The following EXOC4 variants were observed in gnomAD, a reference collection of about 807,000 sequenced individuals.
EXOC4 encodes the protein SEC8-like 1.
A neutral mutation model predicts 107.2 loss-of-function variants in EXOC4; 71 were observed. The ratio of observed to expected loss-of-function variants is 0.66; its 90% CI spans 0.55 to 0.81. The LOEUF (loss-of-function observed/expected upper bound fraction) is 0.81. Ranked by LOEUF, EXOC4 falls within the 30% of genes least tolerant of loss-of-function variation. The pLI is 0.00. For missense variants in EXOC4, 1,108 were observed against 1,189.6 expected, an observed-to-expected ratio of 0.93 and a Z score of 1.01; for synonymous variants, 456 against 441.2, an observed-to-expected ratio of 1.03 and a Z score of -0.42.
intron 13 of EXOC4, among the ~76,000 whole-genome samples, chr7:133,922,963 A>G (rs1410510028): frequency 6.7e-6 from 1 of 149,610 alleles, no homozygotes; most frequent in African/African-American, 2.5e-5. Flanking sequence ...ACTATTTCAC[A>G]TAGTGCTATT....
intron 10 of EXOC4, among the ~76,000 whole-genome samples, chr7:133,712,439 CAAAAAAAAAAAAAAAAAAAAAA>C (rs58629398): frequency 3.3e-5 from 1 of 30,198 alleles, no homozygotes; most frequent in African/African-American, 1.4e-4. Context: ...AACTCTGTCT[CAAAAAAAAAAAAAAAAAAAAAA>C]AAAAAAAAAA....
chr7:133,523,364 T>C (rs775721069), intron 9 of EXOC4, among the ~76,000 whole-genome samples: 32 of 152,156 alleles, frequency 2.1e-4, no homozygotes, highest in Non-Finnish European at 3.7e-4. Flanking sequence ...GCCATGTTTT[T>C]CCAAAGTATG....
chr7:133,869,839 C>A (rs1347085083), intron 11 of EXOC4, among the ~76,000 whole-genome samples: 1 of 152,172 alleles, frequency 6.6e-6, no homozygotes. Flanking sequence ...CCTTCTCTTT[C>A]CAATTATAAG....
At chr7:133,499,030 A>G (rs1429456015) in intron 9 of EXOC4, among the ~76,000 whole-genome samples, 1 of 151,712 alleles carries the variant, frequency 6.6e-6, no homozygotes, top group South Asian at 2.1e-4. Flanking sequence ...CCATGTGTCA[A>G]TCAGTATTCT....
At chr7:133,411,711 T>C (rs1002411862) in intron 7 of EXOC4, among the ~76,000 whole-genome samples, 1 of 152,128 alleles carries the variant, frequency 6.6e-6, no homozygotes, top group Non-Finnish European at 1.5e-5. Flanking sequence ...GTATTGACAT[T>C]CTCAAGAAAG....
chr7:133,509,802 G>A lies in EXOC4; in HGVS notation c.1417+29664G>A, dbSNP rs117096426. ...GCATTGTCTGTCTTTGTTAATGAGG[G>A]GTGTCTCTTTAAAACCTACGAGGTG... is the stretch of plus-strand genomic sequence containing the variant. On this transcript the variant is annotated intron_variant, in intron 9 of 17. Transcript: ENST00000253861. 1.8e-3 allele frequency among the ~76,000 whole-genome samples: 267 copies of A among 152,182 alleles called. 4 individuals carry two copies. The East Asian group carries it at 0.048, about 27-fold the overall frequency.
intron 10 of EXOC4, among the ~76,000 whole-genome samples, chr7:133,676,879 A>G (rs1046388651): frequency 1.3e-5 from 2 of 151,686 alleles, no homozygotes; most frequent in Non-Finnish European, 2.9e-5. Flanking sequence ...TCAAAAAGTT[A>G]TATTCATTTA....
chr7:133,959,505 A>G (rs1278718881), intron 14 of EXOC4, among the ~76,000 whole-genome samples: 1 of 151,776 alleles, frequency 6.6e-6, no homozygotes, highest in East Asian at 1.9e-4. Context: ...CCATAACTGA[A>G]TTTTAGGTCT....
At chr7:133,631,756 T>C (rs1244460278) in intron 10 of EXOC4, among the ~76,000 whole-genome samples, 1 of 151,562 alleles carries the variant, frequency 6.6e-6, no homozygotes, top group Non-Finnish European at 1.5e-5. Flanking sequence ...TTAAATAACA[T>C]TGATTATTTT....
At chr7:133,842,109 C>A (rs6970489) in intron 11 of EXOC4, among the ~76,000 whole-genome samples, 4,119 of 152,204 alleles carry the variant, frequency 0.027, 198 homozygotes, top group African/African-American at 0.094. Context: ...TGCTGCAATG[C>A]ACATATGTTT....
intron 7 of EXOC4, among the ~76,000 whole-genome samples, chr7:133,419,465 T>G (rs1308451994): frequency 1.3e-5 from 2 of 152,090 alleles, no homozygotes; most frequent in Admixed American, 6.6e-5. Context: ...ACCTGACTGG[T>G]GTTTTGATGT....
chr7:133,897,940 A>C (rs1229495817), intron 12 of EXOC4, among the ~76,000 whole-genome samples: 2 of 152,140 alleles, frequency 1.3e-5, no homozygotes, highest in Non-Finnish European at 2.9e-5. Flanking sequence ...AATCAGTCTC[A>C]AAATGGCATT....
At chr7:133,619,236 A>G (rs1802268846) in intron 9 of EXOC4, among the ~76,000 whole-genome samples, 1 of 152,142 alleles carries the variant, frequency 6.6e-6, no homozygotes. Flanking sequence ...CTGATTTTGT[A>G]TTTACAGAGC....
chr7:134,020,574 G>A (rs1434319642), intron 17 of EXOC4, among the ~76,000 whole-genome samples: 2 of 152,188 alleles, frequency 1.3e-5, no homozygotes, highest in African/African-American at 2.4e-5. Flanking sequence ...GAGTCGGGTT[G>A]TATTCTTGGA....
intron 3 of EXOC4, among the ~76,000 whole-genome samples, chr7:133,291,895 G>A (rs1794415021): frequency 6.6e-6 from 1 of 152,054 alleles, no homozygotes; most frequent in Non-Finnish European, 1.5e-5. Flanking sequence ...TGGTCACACA[G>A]CAACTTATCA....
intron 7 of EXOC4, among the ~76,000 whole-genome samples, chr7:133,411,316 A>G (rs898298026): frequency 6.6e-6 from 1 of 152,194 alleles, no homozygotes; most frequent in East Asian, 1.9e-4. Flanking sequence ...AAAGTCTTAA[A>G]TAGTTTGTGT....
chr7:133,534,126 T>G (rs561221019), intron 9 of EXOC4, among the ~76,000 whole-genome samples: 16 of 152,334 alleles, frequency 1.1e-4, no homozygotes, highest in African/African-American at 3.6e-4. Context: ...AATCAAACCG[T>G]AGCCTCTGCC....
chr7:133,613,481 C>T (rs547074093), intron 9 of EXOC4, among the ~76,000 whole-genome samples: 2 of 152,030 alleles, frequency 1.3e-5, no homozygotes, highest in African/African-American at 2.4e-5. Context: ...TGGCAGTTCT[C>T]ATGTATTTTC....
intron 13 of EXOC4, among the ~76,000 whole-genome samples, 162 bp downstream of exon 13, chr7:133,917,900 C>A (rs1426719536): frequency 6.6e-6 from 1 of 151,972 alleles, no homozygotes; most frequent in Non-Finnish European, 1.5e-5. Flanking sequence ...ATTTCCCATG[C>A]AAGTGTGCCT....
Sources: allele counts gnomAD v4.1 joint callset (sites outside exome capture counted in the v4.1 genomes callset), GRCh38; gene constraint gnomAD v4.1.1; transcripts MANE v1.5; gene names NCBI Gene and HGNC (gene_info 2026-07-23, HGNC 2026-07-21).